Variants in ARHGAP35 observed in about 807,000 individuals in gnomAD.
ARHGAP35 encodes rho GTPase-activating protein 35.
ARHGAP35 carries 15 observed loss-of-function variants against 111.1 expected under a neutral mutation model. That is an observed-to-expected ratio of 0.13 (90% confidence interval 0.09 to 0.21). ARHGAP35 has a LOEUF of 0.21. Ranked by LOEUF, ARHGAP35 falls within the 10% of genes least tolerant of loss-of-function variation. The pLI is 1.00. For synonymous variants in ARHGAP35, 643 were observed against 710.3 expected (o/e 0.91, Z 1.51); for missense variants, 1,262 against 1,873.0 (o/e 0.67, Z 6.02).
At chr19:46,953,106 G>C (rs1217607272) in intron 3 of ARHGAP35, among the ~76,000 whole-genome samples, 1 of 152,210 alleles carries the variant, frequency 6.6e-6, no homozygotes, top group Non-Finnish European at 1.5e-5. Context: ...CTTATACTAT[G>C]TGCCATGCAC....
At chr19:46,967,358 C>A (rs1233461561) in intron 3 of ARHGAP35, among the ~76,000 whole-genome samples, 1 of 152,148 alleles carries the variant, frequency 6.6e-6, no homozygotes, top group African/African-American at 2.4e-5. Flanking sequence ...GCATGTCCTC[C>A]ATGGGGAGGG....
rs1187966499 is a variant in ARHGAP35, at chr19:46,936,967, G to C, written c.3682-297G>C. ...CAATTCTCCTGCCTCAGCCTCCCAA[G>C]TAGCTGGGATTACAGGCGCCCACCA... On this transcript the variant is annotated intron_variant, in intron 2 of 6. Transcript: ENST00000672722. 4.0e-5 allele frequency among the ~76,000 whole-genome samples: 6 copies of C among 150,954 alleles called. No individual in the cohort carries two copies. The South Asian group carries it at 1.2e-3, about 31-fold the overall frequency.
rs540327862 is a variant in ARHGAP35 at position 46,940,290 on chromosome 19, C to T, written c.3826+2882C>T. ...AGGAGAATCGCTTGAACCTGGGAGGCGGAGGTTGCGGTGAGCCAAGATCGC... is the reference window on the plus strand; with the variant it reads ...AGGAGAATCGCTTGAACCTGGGAGGTGGAGGTTGCGGTGAGCCAAGATCGC... On this transcript the variant is annotated intron_variant, in intron 3 of 6. Transcript: ENST00000672722. 8.7e-5 allele frequency among the ~76,000 whole-genome samples: 13 copies of T among 149,788 alleles called. No individual in the cohort carries two copies. In the South Asian group the frequency reaches 2.1e-3, roughly 24 times the overall value.
rs1283617049 is a variant in ARHGAP35 at position 46,861,067 on chromosome 19, G to C, written c.-331G>C. 6.6e-6 allele frequency among the ~76,000 whole-genome samples: 1 copy of C among 151,084 alleles called. No homozygotes were observed. Among genetic ancestry groups the C allele is most frequent in the Non-Finnish European group, 1.5e-5 (1 of 67,484 alleles). On this transcript the variant is annotated 5_prime_UTR_variant, in exon 1 of 7. Coordinates refer to ENST00000672722, the MANE Select transcript of ARHGAP35 (RefSeq NM_004491.5). The stretch of plus-strand genomic sequence containing the variant: ...GGCGGAGGAGGGAACCCGCGAGGGA[G>C]GGTCCGCCCGGCCCCCCGCCGCCGG...
chr19:46,895,833 T>C (rs373233985), intron 1 of ARHGAP35, among the ~76,000 whole-genome samples: 19 of 152,206 alleles, frequency 1.2e-4, no homozygotes, highest in African/African-American at 4.3e-4. Context: ...CCAGGTGCGG[T>C]GGCTCATGCC....
intron 3 of ARHGAP35, among the ~76,000 whole-genome samples, chr19:46,975,164 C>T (rs2056572938): frequency 6.6e-6 from 1 of 152,108 alleles, no homozygotes; most frequent in Non-Finnish European, 1.5e-5. Flanking sequence ...GCCACCATGC[C>T]TGGCCAGAAG....
chr19:46,918,719 A>G lies in ARHGAP35; in HGVS notation c.44A>G (p.Asn15Ser), dbSNP rs758574203. ...CAAGATGTCCGAATTCCCACCTACA[A>G]CATCAGTGTGGTGGGATTATCTGGG... Reference protein sequence around the residue: ...RKQDVRIPTYNISVVGLSGTE... With the variant: ...RKQDVRIPTYSISVVGLSGTE... Residue 15 changes from asparagine to serine, a missense_variant, in exon 2 of 7, where the codon AAC becomes AGC. Asn to Ser is a conservative substitution (Grantham distance 46, BLOSUM62 1). Transcript: ENST00000672722. This position sits in a 1 kb window ranked among gnomAD's most constrained non-coding sequence, Gnocchi z 5.4. 5 of 1,613,718 alleles carry G rather than the reference A, an allele frequency of 3.1e-6. No homozygotes were observed. The highest frequency in any genetic ancestry group is 2.7e-5 in the African/African-American group (2 of 74,900).
At chr19:46,944,868 G>A (rs1190994352) in intron 3 of ARHGAP35, among the ~76,000 whole-genome samples, 1 of 152,100 alleles carries the variant, frequency 6.6e-6, no homozygotes, top group South Asian at 2.1e-4. Context: ...ACATTGTGAG[G>A]GAAATTGGTT....
chr19:46,895,515 A>G (rs773554901), intron 1 of ARHGAP35, among the ~76,000 whole-genome samples: 54 of 152,340 alleles, frequency 3.5e-4, no homozygotes, highest in Non-Finnish European at 6.3e-4. Flanking sequence ...GAAATTAAGA[A>G]AAGTGCACGT....
intron 1 of ARHGAP35, among the ~76,000 whole-genome samples, chr19:46,885,978 C>T (rs1168595644): frequency 6.6e-6 from 1 of 152,080 alleles, no homozygotes; most frequent in African/African-American, 2.4e-5. Context: ...GGGTATTAAG[C>T]TTATCTTAAA....
intron 1 of ARHGAP35, among the ~76,000 whole-genome samples, chr19:46,884,634 C>G (rs747435542): frequency 6.6e-6 from 1 of 151,244 alleles, no homozygotes; most frequent in South Asian, 2.1e-4. Context: ...ATAGCTAGGA[C>G]TACAGGCATG....
Position 46,984,501 on chromosome 19 carries a change from G to A in ARHGAP35, c.3827-3488G>A, listed in dbSNP as rs145797918. Among the ~76,000 whole-genome samples the A allele has an allele frequency of 8.7e-4, 132 of 152,260 alleles. 3 individuals are homozygous for A. In the East Asian group the frequency reaches 0.023, roughly 26 times the overall value. On this transcript the variant is annotated intron_variant, in intron 3 of 6. Coordinates refer to ENST00000672722, the MANE Select transcript of ARHGAP35 (RefSeq NM_004491.5). Reference sequence around the variant, plus strand: ...GGGTTGCCAGCTCCCTGCAGCCTTGGTGGTGTTTGCAGCCTGCTCTCAGTT... The same window carrying A: ...GGGTTGCCAGCTCCCTGCAGCCTTGATGGTGTTTGCAGCCTGCTCTCAGTT...
At position 46,921,596 on chromosome 19, in the gene ARHGAP35, G is replaced by T; in HGVS notation, c.2921G>T (p.Gly974Val). 6.2e-7 allele frequency: 1 copy of T among 1,613,944 alleles called. No homozygotes were observed. Among genetic ancestry groups the T allele is most frequent in the South Asian group, 1.1e-5 (1 of 91,072 alleles). Residue 974 changes from glycine (G) to valine (V), a missense_variant, in exon 2 of 7, where the codon GGA (glycine) becomes GTA (valine). Physicochemically the swap from Gly to Val is moderately radical, Grantham distance 109. Transcript: ENST00000672722. This position sits in a 1 kb window ranked among gnomAD's most constrained non-coding sequence, Gnocchi z 4.3. ...GAGGTGTTTAACTCCCCCCGGGCAG[G>T]ATCACCGCTCTGCAACTCAAACCTG... The part of the protein sequence containing the change: ...TEEVFNSPRA[G>V]SPLCNSNLQD...
chr19:46,960,198 T>C (rs1371568324), intron 3 of ARHGAP35, among the ~76,000 whole-genome samples: 1 of 152,150 alleles, frequency 6.6e-6, no homozygotes, highest in African/African-American at 2.4e-5. Flanking sequence ...CTTCTCTCCA[T>C]TAGCCCTGGC....
At chr19:46,906,063 C>T (rs2056106062) in intron 1 of ARHGAP35, among the ~76,000 whole-genome samples, 1 of 151,886 alleles carries the variant, frequency 6.6e-6, no homozygotes, top group Admixed American at 6.6e-5. Context: ...ACACCTGTGA[C>T]TCCAGCACTT....
chr19:46,978,780 GTGTC>G (rs927228308), intron 3 of ARHGAP35, among the ~76,000 whole-genome samples: 1 of 137,986 alleles, frequency 7.2e-6, no homozygotes, highest in Non-Finnish European at 1.6e-5. Context: ...GTGGTGGAAT[GTGTC>G]TGGTGTGTGT....
At position 46,986,278 on chromosome 19, in the gene ARHGAP35, G is replaced by A. The variant is rs2056649495; in HGVS notation, c.3827-1711G>A. On this transcript the variant is annotated intron_variant, in intron 3 of 6. Transcript: ENST00000672722. The surrounding 1 kb of genome is among the most constrained non-coding windows in gnomAD (Gnocchi z 4.3). ...GTAGACAGCTTGGAATCCACTCTAAGCTGAACAGTGCTCCTCTGCCCACGG... is the reference window on the plus strand; with the variant it reads ...GTAGACAGCTTGGAATCCACTCTAAACTGAACAGTGCTCCTCTGCCCACGG... 6.6e-6 allele frequency among the ~76,000 whole-genome samples: 1 copy of A among 152,196 alleles called. No homozygotes were observed. The highest frequency in any genetic ancestry group is 1.5e-5 in the Non-Finnish European group (1 of 68,042).
Position 46,907,397 on chromosome 19 carries a change from G to T in ARHGAP35, c.-188-11091G>T, listed in dbSNP as rs530920620. Among the ~76,000 whole-genome samples the T allele has an allele frequency of 7.9e-5, 12 of 151,916 alleles. No individual in the cohort carries two copies. In the South Asian group the frequency reaches 2.1e-3, roughly 26 times the overall value. On this transcript the variant is annotated intron_variant, in intron 1 of 6. Coordinates refer to ENST00000672722, the MANE Select transcript of ARHGAP35 (RefSeq NM_004491.5). Reference sequence around the variant, plus strand: ...GATCTCCTGACCTCGTGATCCGCCCGCCTCGGCCTCCCAGAGTGCTGGGAT... The same window carrying T: ...GATCTCCTGACCTCGTGATCCGCCCTCCTCGGCCTCCCAGAGTGCTGGGAT...
chr19:46,934,291 T>C (rs1284024301), intron 2 of ARHGAP35, among the ~76,000 whole-genome samples: 2 of 152,208 alleles, frequency 1.3e-5, no homozygotes, highest in Non-Finnish European at 2.9e-5. Context: ...ACATTTTAAG[T>C]GGGGAGAGCA....
Sources: gnomAD v4.1 joint callset for allele counts (sites outside exome capture counted in the v4.1 genomes callset) on GRCh38, gnomAD v4.1.1 for gene constraint, Gnocchi (gnomAD v3.1) non-coding constraint, MANE v1.5 for transcripts, NCBI Gene and HGNC (gene_info 2026-07-23, HGNC 2026-07-21) for gene names.